The following UNC79 variants were observed in gnomAD, a reference collection of about 807,000 sequenced individuals.
The protein encoded by UNC79 is protein unc-79 homolog.
A neutral mutation model predicts 283.1 loss-of-function variants in UNC79; 37 were observed. That is an observed-to-expected ratio of 0.13 (90% CI 0.10 to 0.17). The LOEUF (loss-of-function observed/expected upper bound fraction) is 0.17. Ranked by LOEUF, UNC79 falls within the 10% of genes least tolerant of loss-of-function variation. UNC79 has a pLI of 1.00. For missense variants in UNC79, 2,272 were observed against 3,211.1 expected, an observed-to-expected ratio of 0.71 and a Z score of 7.07; for synonymous variants, 1,107 against 1,200.2, an observed-to-expected ratio of 0.92 and a Z score of 1.61.
At chr14:93,444,496 C>G (rs2056406151) in intron 1 of UNC79, among the ~76,000 whole-genome samples, 1 of 152,004 alleles carries the variant, frequency 6.6e-6, no homozygotes, top group Non-Finnish European at 1.5e-5. Context: ...TTTATGGAAT[C>G]TTTGCCTAAA....
intron 46 of UNC79, among the ~76,000 whole-genome samples, chr14:93,692,308 G>A (rs1219246052): frequency 1.3e-5 from 2 of 152,076 alleles, no homozygotes; most frequent in Non-Finnish European, 2.9e-5. Flanking sequence ...ATTCCACAAT[G>A]TATATCTATC....
At chr14:93,557,858 C>G (rs1386200139) in intron 14 of UNC79, among the ~76,000 whole-genome samples, 1 of 152,176 alleles carries the variant, frequency 6.6e-6, no homozygotes, top group Non-Finnish European at 1.5e-5. Context: ...TTCAAGTTTG[C>G]AAAGGATTTT....
At position 93,561,318 on chromosome 14, in the gene UNC79, G is replaced by C. The variant is rs2062536235; in HGVS notation, c.1756-10576G>C. On this transcript the variant is annotated intron_variant, in intron 14 of 48. Coordinates refer to ENST00000555664, the Ensembl canonical transcript of UNC79. ...ATGGGGGGAGTAGAGTTGATATAAG[G>C]AGAAAGGTTTTTAAAGTAAGTGTGG... is the stretch of plus-strand genomic sequence containing the variant. 3.9e-5 allele frequency among the ~76,000 whole-genome samples: 6 copies of C among 152,264 alleles called. No individual in the cohort carries two copies. The South Asian group carries it at 1.2e-3, about 32-fold the overall frequency.
At chr14:93,418,065 G>A (rs367633661) in intron 1 of UNC79, among the ~76,000 whole-genome samples, 4 of 151,830 alleles carry the variant, frequency 2.6e-5, no homozygotes, top group East Asian at 1.9e-4. Flanking sequence ...CTGGTGAGGA[G>A]CTGCGTTCCT....
At chr14:93,487,508 G>T (rs1443797970) in intron 4 of UNC79, among the ~76,000 whole-genome samples, 155 bp from the exon 5 acceptor site, 1 of 151,868 alleles carries the variant, frequency 6.6e-6, no homozygotes, top group African/African-American at 2.4e-5. Context: ...TGTATGCCAG[G>T]ACACATTTTG....
chr14:93,498,735 C>T (rs2059146401), intron 7 of UNC79, among the ~76,000 whole-genome samples: 1 of 152,000 alleles, frequency 6.6e-6, no homozygotes, highest in South Asian at 2.1e-4. Flanking sequence ...GCGAAACAAA[C>T]AAACAAATCA....
chr14:93,426,329 C>T (rs1455220063), upstream of UNC79, among the ~76,000 whole-genome samples: 2 of 151,546 alleles, frequency 1.3e-5, no homozygotes, highest in African/African-American at 4.8e-5. Context: ...TGGTATTTTT[C>T]CTGCTTGGGG....
chr14:93,426,182 A>G (rs937002584), upstream of UNC79, among the ~76,000 whole-genome samples: 1 of 152,046 alleles, frequency 6.6e-6, no homozygotes, highest in African/African-American at 2.4e-5. Flanking sequence ...TCTGATTGGA[A>G]GTCAGTGTTA....
chr14:93,577,837 T>C lies in UNC79; in HGVS notation c.2212-5T>C, dbSNP rs771595670. The C allele has an allele frequency of 3.1e-6, 5 of 1,613,312 alleles. No homozygotes were observed. Among genetic ancestry groups the C allele is most frequent in the Non-Finnish European group, 3.4e-6 (4 of 1,179,664 alleles). ...ATTTCTATGTGTTGCCATTCTTTCT[T>C]GTAGGTGAGTGTTGCCTCTGATCCT... On this transcript the variant is annotated splice_region_variant and splice_polypyrimidine_tract_variant and intron_variant, in intron 17 of 48. Coordinates refer to ENST00000555664, the Ensembl canonical transcript of UNC79.
At chr14:93,623,509 C>T (rs1303016212) in intron 30 of UNC79, among the ~76,000 whole-genome samples, 1 of 152,198 alleles carries the variant, frequency 6.6e-6, no homozygotes, top group Non-Finnish European at 1.5e-5. Flanking sequence ...AATGGCAAGC[C>T]CATGATCCAC....
chr14:93,335,167 A>C (rs982502594), intron 1 of UNC79: 1 of 152,236 alleles, frequency 6.6e-6, no homozygotes, highest in African/African-American at 2.4e-5. Flanking sequence ...CCTTTTGTCT[A>C]TCTGCACAGC....
intron 26 of UNC79, among the ~76,000 whole-genome samples, chr14:93,605,644 G>A (rs1047975002): frequency 1.3e-5 from 2 of 152,202 alleles, no homozygotes; most frequent in African/African-American, 4.8e-5. Context: ...TCCCACCTAT[G>A]TATCATGCTA....
chr14:93,695,895 A>AAAAAAAAAAAAAAAAAAAAAC (rs2075076703), intron 47 of UNC79, among the ~76,000 whole-genome samples: 1 of 132,680 alleles, frequency 7.5e-6, no homozygotes, highest in Non-Finnish European at 1.7e-5. Flanking sequence ...TGTCTCAAAA[A>AAAAAAAAAAAAAAAAAAAAAC]AAAAAAAAAA....
intron 14 of UNC79, among the ~76,000 whole-genome samples, chr14:93,548,130 G>A (rs1423667184): frequency 6.6e-6 from 1 of 152,220 alleles, no homozygotes; most frequent in African/African-American, 2.4e-5. Flanking sequence ...AGACTGGGTA[G>A]CTTATAAACA....
intron 1 of UNC79, among the ~76,000 whole-genome samples, chr14:93,361,757 C>G (rs1039058875): frequency 7.2e-5 from 11 of 152,046 alleles, no homozygotes; most frequent in Non-Finnish European, 1.5e-4. Flanking sequence ...GAGTGGGCAT[C>G]CTTGTCTTAT....
At chr14:93,431,974 G>A (rs2055899181) in intron 1 of UNC79, among the ~76,000 whole-genome samples, 1 of 152,160 alleles carries the variant, frequency 6.6e-6, no homozygotes, top group Admixed American at 6.5e-5. Context: ...AATAAAAGAC[G>A]TTTTTATTAA....
intron 1 of UNC79, among the ~76,000 whole-genome samples, chr14:93,466,344 T>C (rs931965391): frequency 8.5e-5 from 13 of 152,256 alleles, no homozygotes; most frequent in Admixed American, 7.8e-4. Flanking sequence ...GCAATGGACG[T>C]TCACATTCAT....
intron 10 of UNC79, among the ~76,000 whole-genome samples, chr14:93,529,742 A>G (rs889239312): frequency 6.6e-6 from 1 of 152,170 alleles, no homozygotes; most frequent in African/African-American, 2.4e-5. Flanking sequence ...TACTAGTACC[A>G]TGTTGTGGGG....
At chr14:93,460,794 G>A (rs1431607523) in intron 1 of UNC79, among the ~76,000 whole-genome samples, 1 of 152,122 alleles carries the variant, frequency 6.6e-6, no homozygotes, top group African/African-American at 2.4e-5. Flanking sequence ...GGAGGCCGAG[G>A]CAGGAAGATC....
Sources: gnomAD v4.1 joint callset for allele counts (sites outside exome capture counted in the v4.1 genomes callset) on GRCh38, gnomAD v4.1.1 for gene constraint, MANE v1.5 for transcripts, NCBI Gene and HGNC (gene_info 2026-07-23, HGNC 2026-07-21) for gene names.